DRD3: variants seen among roughly 807,000 people sequenced by gnomAD.
The protein encoded by DRD3 is dopamine receptor D3.
Under a neutral mutation model 36.3 loss-of-function variants are expected in DRD3, and 19 were observed. The ratio of observed to expected loss-of-function variants is 0.52; its 90% confidence interval spans 0.36 to 0.77. The LOEUF is 0.77. Among genes scored for constraint, DRD3 ranks in the 30% least tolerant of loss-of-function variants. DRD3 has a pLI of 0.00. For synonymous variants in DRD3, 195 were observed against 203.7 expected, an observed-to-expected ratio of 0.96 and a Z score of 0.36; for missense variants, 465 against 505.3, an observed-to-expected ratio of 0.92 and a Z score of 0.77.
rs922016075 is a variant in DRD3, at chr3:114,131,182, G to A, written c.942C>T (p.Pro314=). 6.2e-7 allele frequency: 1 copy of A among 1,614,032 alleles called. No individual in the cohort carries two copies. The highest frequency in any genetic ancestry group is 1.3e-5 in the African/African-American group (1 of 74,892). ...GAAGTGGCACTCCCCGAGGTTGCAG[G>A]GGCCCCAGCTTCAAAGATGTCGATA... The part of the protein sequence containing the change: ...GRLSTSLKLG[P]LQPRGVPLRE... The change falls in exon 6 of 7, where the codon CCC becomes CCT. Residue 314 remains proline (P), a synonymous_variant. Transcript: ENST00000383673.
At chr3:114,190,268 C>G (rs1307832565) in intron 1 of DRD3, among the ~76,000 whole-genome samples, 1 of 150,788 alleles carries the variant, frequency 6.6e-6, no homozygotes, top group Admixed American at 6.6e-5. Context: ...CTTTCTTTGC[C>G]AAGCAAAAAT....
intron 2 of DRD3, 38 bp from the exon 3 acceptor site, chr3:114,159,905 G>A: frequency 6.3e-7 from 1 of 1,586,074 alleles, no homozygotes; most frequent in Non-Finnish European, 8.7e-7. Context: ...GTTTACCCCA[G>A]TGAAGGAACG....
At chr3:114,135,640 C>T (rs185043354) in intron 5 of DRD3, among the ~76,000 whole-genome samples, 219 of 151,890 alleles carry the variant, frequency 1.4e-3, no homozygotes, top group African/African-American at 5.1e-3. Flanking sequence ...TATCTGAATG[C>T]CTATTTACAA....
At chr3:114,157,914 C>T (rs989916015) in intron 3 of DRD3, among the ~76,000 whole-genome samples, 3 of 151,968 alleles carry the variant, frequency 2.0e-5, no homozygotes, top group African/African-American at 7.3e-5. Flanking sequence ...ACCAGCCTGA[C>T]CAACATGGAG....
chr3:114,143,683 C>T (rs557279036), intron 4 of DRD3, among the ~76,000 whole-genome samples: 4 of 152,238 alleles, frequency 2.6e-5, no homozygotes, highest in Admixed American at 1.3e-4. Flanking sequence ...AACTAAGCTC[C>T]CCCTCCCCCA....
chr3:114,138,191 A>G (rs1443942388), intron 5 of DRD3, among the ~76,000 whole-genome samples: 1 of 137,640 alleles, frequency 7.3e-6, no homozygotes, highest in East Asian at 2.1e-4. Context: ...AAAAAAAAAG[A>G]TTATCTAGGT....
chr3:114,139,757 T>C (rs2077508290), intron 4 of DRD3, 61 bp from the exon 5 acceptor site: 2 of 1,521,658 alleles, frequency 1.3e-6, no homozygotes, highest in Admixed American at 1.8e-5. Context: ...GTAAGGAGCA[T>C]AAAACACGGC....
At chr3:114,151,629 C>A (rs908898846) in intron 3 of DRD3, among the ~76,000 whole-genome samples, 2 of 152,286 alleles carry the variant, frequency 1.3e-5, no homozygotes, top group South Asian at 2.1e-4. Flanking sequence ...CTATAATGTT[C>A]AGCAACTCCC....
At chr3:114,154,324 GATGTGTGTGTGTGTGTGTGTGT>G (rs2077645154) in intron 3 of DRD3, among the ~76,000 whole-genome samples, 1 of 149,442 alleles carries the variant, frequency 6.7e-6, no homozygotes, top group South Asian at 2.1e-4. Context: ...CAGGGTGGGA[GATGTGTGTGTGTGTGTGTGTGT>G]ATGTGTGTGT....
At chr3:114,136,161 C>T (rs2107834230) in intron 5 of DRD3, among the ~76,000 whole-genome samples, 1 of 152,158 alleles carries the variant, frequency 6.6e-6, no homozygotes, top group Middle Eastern at 3.4e-3. Context: ...CTGCCATGAG[C>T]TGTGATCACA....
At position 114,131,264 on chromosome 3, in the gene DRD3, C is replaced by G. The variant is rs774696564; in HGVS notation, c.860G>C (p.Ser287Thr). ...GCTGAGCTTGGGCGCTATGGTGGGA[C>G]TCAGGGAATTCCGAGTCTTCTCCTC... ...KREEKTRNSL[S>T]PTIAPKLSLE... The change falls in exon 6 of 7, where the codon AGT (serine) becomes ACT (threonine). Residue 287 changes from serine to threonine, a missense_variant. By Grantham distance (58) the Ser-to-Thr change is moderately conservative. Coordinates refer to ENST00000383673, the MANE Select transcript of DRD3 (RefSeq NM_000796.6). 4 of 1,614,214 alleles carry G rather than the reference C, an allele frequency of 2.5e-6. No individual in the cohort carries two copies. In the East Asian group the frequency reaches 8.9e-5, roughly 36 times the overall value.
chr3:114,148,018 A>T (rs537699688), intron 3 of DRD3, among the ~76,000 whole-genome samples: 2 of 152,366 alleles, frequency 1.3e-5, no homozygotes, highest in Admixed American at 1.3e-4. Flanking sequence ...GAGAAATATA[A>T]TTTAGTTAGA....
In DRD3 at chr3:114,171,808, G is replaced by T. The variant is rs773355773; in HGVS notation, c.185C>A (p.Thr62Asn). ...GCTCACTACTAAGTAGTTGGTGGTAGTCTGCAGGGCCCGCTCCTTCAGCAC... is the reference window on the plus strand; with the variant it reads ...GCTCACTACTAAGTAGTTGGTGGTATTCTGCAGGGCCCGCTCCTTCAGCAC... The part of the protein sequence containing the change: ...MAVLKERALQ[T>N]TTNYLVVSLA... The change falls in exon 2 of 7, where the codon ACT (threonine) becomes AAT (asparagine). Residue 62 changes from threonine (T) to asparagine (N), a missense_variant. Physicochemically the swap from Thr to Asn is moderately conservative, Grantham distance 65 (BLOSUM62 0). Coordinates refer to ENST00000383673, the MANE Select transcript of DRD3 (RefSeq NM_000796.6). 6.2e-7 allele frequency: 1 copy of T among 1,614,130 alleles called. No individual in the cohort carries two copies. The highest frequency in any genetic ancestry group is 2.2e-5 in the East Asian group (1 of 44,882).
intron 4 of DRD3, 93 bp downstream of exon 4, chr3:114,147,322 G>T (rs944257301): frequency 2.1e-5 from 32 of 1,495,662 alleles, no homozygotes; most frequent in Admixed American, 1.7e-4. Context: ...CTGACCGGGG[G>T]TCAGAAATTG....
chr3:114,137,997 C>CAAA (rs36094182), intron 5 of DRD3, among the ~76,000 whole-genome samples: 755 of 62,008 alleles, frequency 0.012, 11 homozygotes, highest in Middle Eastern at 0.06. Context: ...GACTCCGTCT[C>CAAA]AAAAAAAAAA....
chr3:114,180,899 G>A (rs2077943822), upstream of DRD3, among the ~76,000 whole-genome samples: 1 of 152,138 alleles, frequency 6.6e-6, no homozygotes, highest in Non-Finnish European at 1.5e-5. Flanking sequence ...GCTGTTATGT[G>A]AGCAGAATGA....
chr3:114,159,754 CCTGT>C lies in DRD3; in HGVS notation c.380_383del (p.Asp127GlyfsTer26). The stretch of plus-strand genomic sequence containing the variant: ...ACCTGGAAGGGGAATTGCAGCCCTA[CCTGT>C]CTATGCTGATGGCACAGAGATTAAG... On this transcript the variant is annotated frameshift_variant and splice_region_variant, in exon 3 of 7. Coordinates refer to ENST00000383673, the MANE Select transcript of DRD3 (RefSeq NM_000796.6). LOFTEE classifies it high-confidence loss of function. The C allele has an allele frequency of 6.2e-7, 1 of 1,613,476 alleles. No individual in the cohort carries two copies. The highest frequency in any genetic ancestry group is 1.3e-5 in the African/African-American group (1 of 75,038).
intron 5 of DRD3, among the ~76,000 whole-genome samples, chr3:114,137,441 C>T (rs561112645): frequency 3.3e-5 from 5 of 152,312 alleles, no homozygotes; most frequent in African/African-American, 1.2e-4. Flanking sequence ...TCTTGATCTC[C>T]TCTTTCATGG....
chr3:114,156,731 T>G lies in DRD3; in HGVS notation c.383+3024A>C, dbSNP rs1257615539. Among the ~76,000 whole-genome samples the G allele has an allele frequency of 0.018, 178 of 9,956 alleles. 4 individuals are homozygous for G. In the South Asian group the frequency reaches 0.23, roughly 13 times the overall value. The allele number at this position is 9,956 out of a possible 152,430, so 6.5% of individuals were successfully genotyped here. On this transcript the variant is annotated intron_variant, in intron 3 of 6. Transcript: ENST00000383673. ...GGCTTGCCTGTCTTTCTTTCTTTCT[T>G]TCTTTCTTTCTTTTTCTTTCTTTCT...
Sources: allele counts gnomAD v4.1 joint callset (sites outside exome capture counted in the v4.1 genomes callset), GRCh38; gene constraint gnomAD v4.1.1; transcripts MANE v1.5; gene names NCBI Gene and HGNC (gene_info 2026-07-23, HGNC 2026-07-21).